The following TTF1 variants were observed in gnomAD, a reference collection of about 807,000 sequenced individuals.
TTF1 encodes transcription termination factor, RNA polymerase I.
In TTF1, 64 loss-of-function variants were observed where a neutral mutation model predicts 80.2. The observed-to-expected ratio is 0.80, with a 90% CI of 0.65 to 0.98. The LOEUF is 0.98. TTF1 is among the 50% of genes least tolerant of loss of function. The pLI is 0.00. For synonymous variants in TTF1, 372 were observed against 382.7 expected, an observed-to-expected ratio of 0.97 and a Z score of 0.33; for missense variants, 1,023 against 1,086.2, an observed-to-expected ratio of 0.94 and a Z score of 0.82.
At chr9:132,378,382 TGTG>T (rs1849287413) in intron 10 of TTF1, among the ~76,000 whole-genome samples, 1 of 75,548 alleles carries the variant, frequency 1.3e-5, no homozygotes, top group Non-Finnish European at 2.8e-5. Context: ...ATGTGGTGTG[TGTG>T]AGTGCATGCA....
At chr9:132,386,727 G>A (rs773533059) in intron 8 of TTF1, 106 bp from the exon 9 acceptor site, 20 of 857,818 alleles carry the variant, frequency 2.3e-5, no homozygotes, top group African/African-American at 8.5e-5. Context: ...CGCTTTCGCC[G>A]CATTCCAGCT....
At chr9:132,377,339 G>GGTGTGAGTGCATGTGGTGT (rs1187898916) in intron 10 of TTF1, among the ~76,000 whole-genome samples, 1 of 126,692 alleles carries the variant, frequency 7.9e-6, no homozygotes. Context: ...GAATGCATGT[G>GGTGTGAGTGCATGTGGTGT]GTGTGAGTGC....
At chr9:132,377,644 A>G (rs777167617) in intron 10 of TTF1, among the ~76,000 whole-genome samples, 1,226 of 4,234 alleles carry the variant, frequency 0.29, 242 homozygotes, top group Middle Eastern at 0.5. Context: ...GTGCGTGTGA[A>G]TGCATGTGGT....
intron 10 of TTF1, among the ~76,000 whole-genome samples, chr9:132,377,840 GGT>G (rs1405022199): frequency 5.9e-5 from 8 of 135,598 alleles, no homozygotes; most frequent in East Asian, 4.8e-4. Context: ...GAATGCATGT[GGT>G]GTGTGTGAAT....
Position 132,402,033 on chromosome 9 carries a change from A to T in TTF1, c.789T>A (p.Thr263=), listed in dbSNP as rs529346970. 1 of 1,612,482 alleles carries T rather than the reference A, an allele frequency of 6.2e-7. No homozygotes were observed. Among genetic ancestry groups the T allele is most frequent in the South Asian group, 1.1e-5 (1 of 91,028 alleles). ...SQPTVGLDDE[T]PQLLGPTHKK... is the part of the protein sequence containing the mutation. ...TGTGAGTAGGTCCTAGTAGTTGTGG[A>T]GTTTCATCATCCAAGCCCACAGTAG... The change falls in exon 2 of 11, where the codon ACT becomes ACA. Residue 263 remains threonine, a synonymous_variant. Transcript: ENST00000334270.
intron 10 of TTF1, among the ~76,000 whole-genome samples, chr9:132,378,405 A>G (rs1849288862): frequency 1.1e-5 from 1 of 88,330 alleles, no homozygotes; most frequent in African/African-American, 4.7e-5. Flanking sequence ...ATGTGGTGTG[A>G]GTGCATGTGG....
At chr9:132,405,709 T>C (rs1302990624) in intron 1 of TTF1, among the ~76,000 whole-genome samples, 1 of 152,232 alleles carries the variant, frequency 6.6e-6, no homozygotes, top group East Asian at 1.9e-4. Flanking sequence ...AGTCTTCATT[T>C]CTTCATAATC....
Position 132,400,266 on chromosome 9 carries a change from G to T in TTF1, c.1368-8C>A. On this transcript the variant is annotated splice_polypyrimidine_tract_variant and splice_region_variant and intron_variant, in intron 2 of 10. Transcript: ENST00000334270. ...TCATTTGCAGGTTCTAACCTAAGGG[G>T]TTAGAAAATTGGGTTGACTAACATT... The T allele has an allele frequency of 6.2e-7, 1 of 1,613,284 alleles. No homozygotes were observed. The highest frequency in any genetic ancestry group is 1.1e-5 in the South Asian group (1 of 91,078).
rs116659960 is a variant in TTF1, at chr9:132,399,944, G to A, written c.1591+91C>T. The stretch of plus-strand genomic sequence containing the variant: ...AGGAGGAGAAAGAATGCTTCTTGTC[G>A]ATCTATAAATCTGAATCATCCATAA... On this transcript the variant is annotated intron_variant, in intron 3 of 10. Coordinates refer to ENST00000334270, the MANE Select transcript of TTF1 (RefSeq NM_007344.4). The A allele has an allele frequency of 6.7e-4, 881 of 1,322,278 alleles. 2 individuals carry two copies. In the African/African-American group the frequency reaches 0.011, roughly 17 times the overall value. 81.9% of individuals were successfully genotyped at this position (1,322,278 alleles called of 1,614,324 possible).
chr9:132,395,670 TTAAG>T (rs1411241042), intron 5 of TTF1, among the ~76,000 whole-genome samples: 1 of 152,164 alleles, frequency 6.6e-6, no homozygotes, highest in Non-Finnish European at 1.5e-5. Context: ...CGTTGGAAGT[TTAAG>T]TAATGACCTA....
intron 7 of TTF1, among the ~76,000 whole-genome samples, chr9:132,389,960 A>G (rs1252876388): frequency 6.6e-6 from 1 of 152,128 alleles, no homozygotes; most frequent in African/African-American, 2.4e-5. Flanking sequence ...TTAGTTTTCT[A>G]TCTTTTTTCT....
chr9:132,388,271 G>A, intron 7 of TTF1, 43 bp from the exon 8 acceptor site: 1 of 1,404,750 alleles, frequency 7.1e-7, no homozygotes, highest in Non-Finnish European at 9.9e-7. Flanking sequence ...TTCAAGGGTA[G>A]AGTTTTCATT....
At chr9:132,397,128 T>C (rs1849666826) in intron 4 of TTF1, among the ~76,000 whole-genome samples, 2 of 152,184 alleles carry the variant, frequency 1.3e-5, no homozygotes, top group South Asian at 4.1e-4. Context: ...GGCTTCAGCT[T>C]CCGGTCTATG....
chr9:132,392,380 A>G (rs1052233474), intron 5 of TTF1, among the ~76,000 whole-genome samples, 174 bp from the exon 6 acceptor site: 4 of 152,132 alleles, frequency 2.6e-5, no homozygotes, highest in African/African-American at 7.2e-5. Flanking sequence ...CATCCTATCA[A>G]TCAATCACTG....
chr9:132,390,013 T>A (rs1007263909), intron 7 of TTF1, among the ~76,000 whole-genome samples: 1 of 152,224 alleles, frequency 6.6e-6, no homozygotes, highest in African/African-American at 2.4e-5. Context: ...CCTCGCTCTG[T>A]TGCCCAGGCT....
intron 1 of TTF1, 93 bp from the exon 2 acceptor site, chr9:132,402,921 T>C (rs1369469625): frequency 3.9e-6 from 5 of 1,272,326 alleles, no homozygotes; most frequent in Non-Finnish European, 5.3e-6. Flanking sequence ...AGTGGCGCGA[T>C]CTCGGCTCAC....
intron 1 of TTF1, among the ~76,000 whole-genome samples, chr9:132,404,390 C>T (rs1369173438): frequency 3.9e-5 from 6 of 152,130 alleles, no homozygotes; most frequent in African/African-American, 1.2e-4. Flanking sequence ...CACATCCTCT[C>T]TCTCTCTGTC....
chr9:132,402,993 C>T (rs1849797258), intron 1 of TTF1, among the ~76,000 whole-genome samples, 165 bp from the exon 2 acceptor site: 2 of 152,162 alleles, frequency 1.3e-5, no homozygotes, highest in Non-Finnish European at 1.5e-5. Context: ...ATAGCTGGGA[C>T]TACAGGCACC....
intron 10 of TTF1, among the ~76,000 whole-genome samples, chr9:132,377,040 C>T (rs1310669505): frequency 2.6e-5 from 4 of 152,200 alleles, no homozygotes. Context: ...ACTTACATAT[C>T]TAAACCACCC....
Sources: allele counts gnomAD v4.1 joint callset (sites outside exome capture counted in the v4.1 genomes callset), GRCh38; gene constraint gnomAD v4.1.1; transcripts MANE v1.5; gene names NCBI Gene and HGNC (gene_info 2026-07-23, HGNC 2026-07-21).